ADGRE3: variants seen among roughly 807,000 people sequenced by gnomAD.
ADGRE3 encodes EGF-like module receptor 3.
ADGRE3 carries 88 observed loss-of-function variants against 80.1 expected under a neutral mutation model. That is an observed-to-expected ratio of 1.10 (90% CI 0.93 to 1.31). ADGRE3 has a LOEUF of 1.31. ADGRE3 is among the 40% of genes most tolerant of loss of function. The pLI, the probability that ADGRE3 is intolerant of heterozygous loss-of-function variation, is 0.00. For synonymous variants in ADGRE3, 281 were observed against 294.8 expected, an observed-to-expected ratio of 0.95 and a Z score of 0.48; for missense variants, 715 against 776.5, an observed-to-expected ratio of 0.92 and a Z score of 0.94.
intron 7 of ADGRE3, among the ~76,000 whole-genome samples, chr19:14,650,032 C>A (rs1439272985): frequency 6.7e-6 from 1 of 149,836 alleles, no homozygotes; most frequent in Non-Finnish European, 1.5e-5. Context: ...CCATCTCTCT[C>A]CCCATCCCTC....
chr19:14,651,344 A>C (rs34562990), intron 6 of ADGRE3, 140 bp from the exon 7 acceptor site: 268,702 of 884,516 alleles, frequency 0.3, 42,676 homozygotes, highest in African/African-American at 0.45. Flanking sequence ...GGGCCCAGGA[A>C]TTTGAGCCCA....
chr19:14,642,051 G>A (rs34930135), intron 9 of ADGRE3, among the ~76,000 whole-genome samples: 22,445 of 152,126 alleles, frequency 0.15, 1,845 homozygotes, highest in Middle Eastern at 0.22. Context: ...GAGAGAATAG[G>A]GAGTTGGTTA....
rs374878913 is a variant in ADGRE3, at chr19:14,663,541, C to G, written c.77-1G>C. ...TTTGGGGGGCACTTAGCACAGGAAG[C>G]TGCAGGGAGAAGAGAGGCAGGTTAA... On this transcript the variant is annotated splice_acceptor_variant, in intron 2 of 15. Transcript: ENST00000253673. LOFTEE classifies it high-confidence loss of function. 26 of 1,612,254 alleles carry G rather than the reference C, an allele frequency of 1.6e-5. No individual in the cohort carries two copies. Among genetic ancestry groups the G allele is most frequent in the East Asian group, 2.2e-5 (1 of 44,818 alleles).
At chr19:14,662,949 G>A (rs910804229) in intron 3 of ADGRE3, among the ~76,000 whole-genome samples, 4 of 149,080 alleles carry the variant, frequency 2.7e-5, no homozygotes, top group Non-Finnish European at 4.4e-5. Flanking sequence ...ATGGTGGCAC[G>A]CCTGTAGTTG....
chr19:14,669,031 C>G (rs1972179980), intron 1 of ADGRE3, among the ~76,000 whole-genome samples, 179 bp from the exon 2 acceptor site: 1 of 151,956 alleles, frequency 6.6e-6, no homozygotes, highest in Admixed American at 6.6e-5. Context: ...AAAATAGGAC[C>G]ACTGTTGGAC....
At chr19:14,607,162 G>A in the ADGRE3 span, 105 of 740,786 alleles carry the variant, frequency 1.4e-4, no homozygotes, top group Non-Finnish European at 1.9e-4. Context: ...ACCATGGGGA[G>A]GGGAGAAGGT....
At chr19:14,608,709 A>G in the ADGRE3 span, among the ~76,000 whole-genome samples, 1 of 149,266 alleles carries the variant, frequency 6.7e-6, no homozygotes, top group African/African-American at 2.5e-5. Flanking sequence ...TCTTGACCCA[A>G]TGCAACCTCT....
At chr19:14,632,465 A>G (rs1023350164) in intron 13 of ADGRE3, among the ~76,000 whole-genome samples, 3 of 152,172 alleles carry the variant, frequency 2.0e-5, no homozygotes, top group East Asian at 1.9e-4. Context: ...CCTCCCTTGC[A>G]GCTGGGTGTT....
chr19:14,615,321 C>T (rs886480998), downstream of ADGRE3, among the ~76,000 whole-genome samples: 4 of 150,250 alleles, frequency 2.7e-5, no homozygotes, highest in African/African-American at 9.8e-5. Context: ...CCTCGTTCCT[C>T]GGGAGAGGTG....
chr19:14,669,821 C>T (rs559039901), intron 1 of ADGRE3, among the ~76,000 whole-genome samples: 8 of 152,102 alleles, frequency 5.3e-5, no homozygotes, highest in Admixed American at 5.2e-4. Context: ...TGGGTAGATA[C>T]CCAGTAGCGG....
At chr19:14,652,703 A>G (rs185807468) in intron 6 of ADGRE3, among the ~76,000 whole-genome samples, 2 of 149,816 alleles carry the variant, frequency 1.3e-5, no homozygotes, top group East Asian at 4.0e-4. Flanking sequence ...GCTTGAACCC[A>G]GGAGGCAGAG....
At chr19:14,643,986 A>T in intron 9 of ADGRE3, 122 bp downstream of exon 9, 1 of 586,342 alleles carries the variant, frequency 1.7e-6, no homozygotes, top group Non-Finnish European at 2.6e-6. Context: ...GCTGGGATTA[A>T]AGGCATGAGT....
intron 14 of ADGRE3, among the ~76,000 whole-genome samples, 190 bp from the exon 15 acceptor site, chr19:14,625,789 G>A (rs935079908): frequency 1.3e-5 from 2 of 152,110 alleles, no homozygotes. Flanking sequence ...GCTACCACAC[G>A]GATGAACCTT....
chr19:14,646,908 G>A (rs1034345877), intron 8 of ADGRE3, among the ~76,000 whole-genome samples: 6 of 151,866 alleles, frequency 4.0e-5, no homozygotes, highest in Non-Finnish European at 7.4e-5. Flanking sequence ...GTAGCTGGAA[G>A]TATAGGAGCA....
chr19:14,640,335 G>A (rs1971214568), intron 10 of ADGRE3, among the ~76,000 whole-genome samples: 2 of 152,060 alleles, frequency 1.3e-5, no homozygotes, highest in South Asian at 4.2e-4. Context: ...TGTTGCCCAG[G>A]CTGGAGTGCA....
chr19:14,664,658 G>A (rs1972043187), intron 2 of ADGRE3, among the ~76,000 whole-genome samples: 1 of 152,092 alleles, frequency 6.6e-6, no homozygotes, highest in Non-Finnish European at 1.5e-5. Flanking sequence ...GCAGTGAGTC[G>A]TGGTCATGTC....
chr19:14,636,062 T>TTCCTTCC lies in ADGRE3; in HGVS notation c.1484+2042_1484+2043insGGAAGGA, dbSNP rs1296282672. 2.5e-3 allele frequency among the ~76,000 whole-genome samples: 220 copies of TTCCTTCC among 88,254 alleles called. 14 individuals are homozygous for TTCCTTCC. The highest frequency in any genetic ancestry group is 7.5e-3 in the African/African-American group (163 of 21,684). The allele number at this position is 88,254 out of a possible 152,430, so 57.9% of individuals were successfully genotyped here. On this transcript the variant is annotated intron_variant, in intron 11 of 15. Transcript: ENST00000253673. ...CTTCCTTCCTTCCTTCCTTCCTTCC[T>TTCCTTCC]TTCCTTTCCTTTCCTTTCCCTTTCT...
At position 14,663,503 on chromosome 19, in the gene ADGRE3, G is replaced by T; in HGVS notation, c.114C>A (p.Val38=). The T allele has an allele frequency of 6.2e-7, 1 of 1,613,384 alleles. No homozygotes were observed. The highest frequency in any genetic ancestry group is 8.5e-7 in the Non-Finnish European group (1 of 1,179,516). The change falls in exon 3 of 16, where the codon GTC becomes GTA. Residue 38 remains valine, a synonymous_variant. Coordinates refer to ENST00000253673, the MANE Select transcript of ADGRE3 (RefSeq NM_032571.5). ...GGTTGCAGGTGCAGTGAGTGTTATTGACACAGGAAGCATTTGGGGGGCACT... is the reference window on the plus strand; with the variant it reads ...GGTTGCAGGTGCAGTGAGTGTTATTTACACAGGAAGCATTTGGGGGGCACT... ...CAKCPPNASC[V]NNTHCTCNHG... is the part of the protein sequence containing the mutation.
At position 14,636,075 on chromosome 19, in the gene ADGRE3, C is replaced by CTTTCTTTCTTT. The variant is rs1267579172; in HGVS notation, c.1484+2029_1484+2030insAAAGAAAGAAA. 3.1e-3 allele frequency among the ~76,000 whole-genome samples: 217 copies of CTTTCTTTCTTT among 70,658 alleles called. 17 individuals carry two copies. Among genetic ancestry groups the CTTTCTTTCTTT allele is most frequent in the African/African-American group, 4.2e-3 (74 of 17,738 alleles). The allele number at this position is 70,658 out of a possible 152,430, so 46.4% of individuals were successfully genotyped here. On this transcript the variant is annotated intron_variant, in intron 11 of 15. Coordinates refer to ENST00000253673, the MANE Select transcript of ADGRE3 (RefSeq NM_032571.5). Reference sequence around the variant, plus strand: ...TTCCTTCCTTCCTTTCCTTTCCTTTCCTTTCCCTTTCTTTCTTTCTTTCTT... The same window carrying CTTTCTTTCTTT: ...TTCCTTCCTTCCTTTCCTTTCCTTTCTTTCTTTCTTTCTTTCCCTTTCTTTCTTTCTTTCTT...
Sources: allele counts gnomAD v4.1 joint callset (sites outside exome capture counted in the v4.1 genomes callset), GRCh38; gene constraint gnomAD v4.1.1; transcripts MANE v1.5; gene names NCBI Gene and HGNC (gene_info 2026-07-23, HGNC 2026-07-21).